The following CALML4 variants were observed in gnomAD, a reference collection of about 807,000 sequenced individuals.
CALML4 encodes calmodulin-like protein 4.
A neutral mutation model predicts 17.9 loss-of-function variants in CALML4; 16 were observed. The observed-to-expected ratio is 0.89, with a 90% CI of 0.61 to 1.36. CALML4 has a LOEUF of 1.36. CALML4 is among the 40% of genes most tolerant of loss of function. CALML4 has a pLI of 0.00. For missense variants in CALML4, 203 were observed against 194.8 expected (o/e 1.04, Z -0.25); for synonymous variants, 86 against 71.5 (o/e 1.20, Z -1.02).
At chr15:68,205,760 T>C (rs1044049651), upstream of CALML4, 3 of 236,068 alleles carry the variant, frequency 1.3e-5, no homozygotes, top group East Asian at 1.9e-4. This position sits in a 1 kb window ranked among gnomAD's most constrained non-coding sequence, Gnocchi z 4.8. Context: ...GGCTCGGTAT[T>C]GCAGGGATAC....
rs763952886 is a variant in CALML4 at position 68,205,268 on chromosome 15, C to T, written c.-21G>A. On this transcript the variant is annotated 5_prime_UTR_variant, in exon 1 of 5. Transcript: ENST00000467889. The surrounding 1 kb of genome is among the most constrained non-coding windows in gnomAD (Gnocchi z 4.8). ...ACCATTCTGGGGCCTCGGCTGCTAC[C>T]CGTGGGCTTGCTGCTCCCAGAACCG... 2 of 1,614,028 alleles carry T rather than the reference C, an allele frequency of 1.2e-6. No homozygotes were observed. The highest frequency in any genetic ancestry group is 1.7e-5 in the Admixed American group (1 of 60,008).
In CALML4 at chr15:68,205,203, G is replaced by A. The variant is rs368099027; in HGVS notation, c.3+42C>T. 1.3e-5 allele frequency: 21 copies of A among 1,613,950 alleles called. No homozygotes were observed. Among genetic ancestry groups the A allele is most frequent in the African/African-American group, 4.0e-5 (3 of 74,900 alleles). ...GGGGAGGGCTCCACCTGAGGTTCAC[G>A]CCCCCAGCCCTGGCCAGGCCGACAC... On this transcript the variant is annotated intron_variant, in intron 1 of 4. Transcript: ENST00000467889. This position sits in a 1 kb window ranked among gnomAD's most constrained non-coding sequence, Gnocchi z 4.8.
In CALML4 at chr15:68,205,307, T is replaced by C; in HGVS notation, c.-60A>G. The C allele has an allele frequency of 1.2e-6, 2 of 1,614,068 alleles. No individual in the cohort carries two copies. The highest frequency in any genetic ancestry group is 1.7e-6 in the Non-Finnish European group (2 of 1,180,016). ...CTCCCAGAACCGCGTTCAGTTCCCT[T>C]TCCTCCAGCCTCAAGTCTAAAGTCT... On this transcript the variant is annotated 5_prime_UTR_variant, in exon 1 of 5. Coordinates refer to ENST00000467889, the MANE Select transcript of CALML4 (RefSeq NM_033429.3). The surrounding 1 kb of genome is among the most constrained non-coding windows in gnomAD (Gnocchi z 4.8).
Position 68,200,964 on chromosome 15 carries a change from G to T in CALML4, c.35-1283C>A, listed in dbSNP as rs1468561487. On this transcript the variant is annotated intron_variant, in intron 2 of 4. Coordinates refer to ENST00000467889, the MANE Select transcript of CALML4 (RefSeq NM_033429.3). This position sits in a 1 kb window ranked among gnomAD's most constrained non-coding sequence, Gnocchi z 4.3. ...TGCCCACCAGGCCACACTGCCTTCG[G>T]TTCCAGGGCAGACACCACTGAGAGC... is the stretch of plus-strand genomic sequence containing the variant. 6.6e-6 allele frequency among the ~76,000 whole-genome samples: 1 copy of T among 152,114 alleles called. No individual in the cohort carries two copies. The highest frequency in any genetic ancestry group is 1.5e-5 in the Non-Finnish European group (1 of 68,020).
In CALML4 at chr15:68,205,057, A is replaced by C. The variant is rs1422902564; in HGVS notation, c.34+64T>G. 3.2e-6 allele frequency: 5 copies of C among 1,578,888 alleles called. No homozygotes were observed. In the South Asian group the frequency reaches 4.4e-5, roughly 14 times the overall value. ...CTTCCCACCAAGAAAACATGAGCAG[A>C]GCAAATTGCCTAATGAGACCCATAT... On this transcript the variant is annotated intron_variant, in intron 2 of 4. Coordinates refer to ENST00000467889, the MANE Select transcript of CALML4 (RefSeq NM_033429.3). The surrounding 1 kb of genome is among the most constrained non-coding windows in gnomAD (Gnocchi z 4.8).
rs62002460 is a variant in CALML4, at chr15:68,204,162, C to A, written c.34+959G>T. Among the ~76,000 whole-genome samples the A allele has an allele frequency of 1.3e-5, 2 of 152,186 alleles. No individual in the cohort carries two copies. Among genetic ancestry groups the A allele is most frequent in the Non-Finnish European group, 2.9e-5 (2 of 68,028 alleles). ...GCCCACCTGGAGCTCACAATTCCTG[C>A]CCCTCTGGACCAAGCTCAGAATACC... On this transcript the variant is annotated intron_variant, in intron 2 of 4. Transcript: ENST00000467889. This position sits in a 1 kb window ranked among gnomAD's most constrained non-coding sequence, Gnocchi z 6.0.
rs1567091045 is a variant in CALML4 at position 68,200,254 on chromosome 15, T to C, written c.35-573A>G. 6.6e-6 allele frequency among the ~76,000 whole-genome samples: 1 copy of C among 152,198 alleles called. No homozygotes were observed. The highest frequency in any genetic ancestry group is 6.5e-5 in the Admixed American group (1 of 15,284). On this transcript the variant is annotated intron_variant, in intron 2 of 4. Transcript: ENST00000467889. The surrounding 1 kb of genome is among the most constrained non-coding windows in gnomAD (Gnocchi z 4.3). The stretch of plus-strand genomic sequence containing the variant: ...GAGAGTGGCCTTCATATGATGATAT[T>C]ATCATCATCATCAGAGCTGGGGCAT...
At position 68,199,616 on chromosome 15, in the gene CALML4, T is replaced by C. The variant is rs779125634; in HGVS notation, c.100A>G (p.Met34Val). ...QRGKIKATDLMVAMRCLGASP... is the reference protein window; with the variant it reads ...QRGKIKATDLVVAMRCLGASP... ...GCCCCCAGGCACCTCATGGCCACCA[T>C]GAGGTCGGTGGCTTTTATCTTCCCC... is the stretch of plus-strand genomic sequence containing the variant. The change falls in exon 3 of 5, where the codon ATG (methionine) becomes GTG (valine). Residue 34 changes from methionine (M) to valine (V), a missense_variant. Met to Val is a conservative substitution (Grantham distance 21). Transcript: ENST00000467889. 1 of 1,613,564 alleles carries C rather than the reference T, an allele frequency of 6.2e-7. No homozygotes were observed. The highest frequency in any genetic ancestry group is 1.7e-5 in the Admixed American group (1 of 59,998).
intron 2 of CALML4, among the ~76,000 whole-genome samples, chr15:68,202,662 T>TGA (rs60034924): frequency 6.7e-6 from 1 of 150,330 alleles, no homozygotes; most frequent in Non-Finnish European, 1.5e-5. Flanking sequence ...TTTTTTTTTT[T>TGA]GAGAGAGTTT....
At chr15:68,194,384 CTTTTTTT>C (rs56240648) in intron 4 of CALML4, among the ~76,000 whole-genome samples, 3 of 141,064 alleles carry the variant, frequency 2.1e-5, no homozygotes, top group Admixed American at 7.1e-5. Context: ...CCACCGTGTG[CTTTTTTT>C]TTTTTTTTTT....
intron 2 of CALML4, among the ~76,000 whole-genome samples, chr15:68,202,943 T>G (rs907900696): frequency 1.3e-5 from 2 of 151,738 alleles, no homozygotes; most frequent in African/African-American, 4.8e-5. Context: ...GCCTCCTGAG[T>G]AGCTGGAATT....
rs1021633402 is a variant in CALML4 at position 68,204,183 on chromosome 15, A to G, written c.34+938T>C. ...CCTGCCCCTCTGGACCAAGCTCAGA[A>G]TACCCAGAACTCTGGAACTCCTGCC... On this transcript the variant is annotated intron_variant, in intron 2 of 4. Coordinates refer to ENST00000467889, the MANE Select transcript of CALML4 (RefSeq NM_033429.3). The surrounding 1 kb of genome is among the most constrained non-coding windows in gnomAD (Gnocchi z 6.0). Among the ~76,000 whole-genome samples, 2 of 152,144 alleles carry G rather than the reference A, an allele frequency of 1.3e-5. No homozygotes were observed. Among genetic ancestry groups the G allele is most frequent in the Non-Finnish European group, 1.5e-5 (1 of 68,012 alleles).
Position 68,204,468 on chromosome 15 carries a change from GGCT to G in CALML4, c.34+650_34+652del, listed in dbSNP as rs1034752150. 2.0e-5 allele frequency among the ~76,000 whole-genome samples: 3 copies of G among 152,184 alleles called. No homozygotes were observed. The highest frequency in any genetic ancestry group is 4.4e-5 in the Non-Finnish European group (3 of 68,038). On this transcript the variant is annotated intron_variant, in intron 2 of 4. Coordinates refer to ENST00000467889, the MANE Select transcript of CALML4 (RefSeq NM_033429.3). The surrounding 1 kb of genome is among the most constrained non-coding windows in gnomAD (Gnocchi z 6.0). The stretch of plus-strand genomic sequence containing the variant: ...GGGCCTCTCCTGCCAGGTGCAGGGG[GGCT>G]GCAGCCATGAGGCTCCCCTGGCTCA...
chr15:68,203,800 C>T (rs967912982), intron 2 of CALML4, among the ~76,000 whole-genome samples: 3 of 152,226 alleles, frequency 2.0e-5, no homozygotes, highest in Admixed American at 6.5e-5. Context: ...CCCTGTTCTT[C>T]CCACTTCGCT....
chr15:68,199,581 C>T lies in CALML4; in HGVS notation c.135G>A (p.Thr45=), dbSNP rs200561076. ...VAMRCLGASP[T]PGEVQRHLQT... is the part of the protein sequence containing the mutation. ...GCAGGTGCCGCTGCACCTCCCCTGG[C>T]GTCGGGCTGGCCCCCAGGCACCTCA... Residue 45 remains threonine, a synonymous_variant, in exon 3 of 5, where the codon ACG becomes ACA. Transcript: ENST00000467889. 4.3e-5 allele frequency: 69 copies of T among 1,613,684 alleles called. No individual in the cohort carries two copies. In the Middle Eastern group the frequency reaches 4.9e-4, roughly 12 times the overall value.
intron 3 of CALML4, chr15:68,198,177 CT>C (rs1472783745): frequency 6.5e-6 from 1 of 152,714 alleles, no homozygotes; most frequent in East Asian, 1.9e-4. Flanking sequence ...CTACAACTTC[CT>C]GTTTGGAGGG....
At chr15:68,205,430 C>T, upstream of CALML4, 1 of 1,606,574 alleles carries the variant, frequency 6.2e-7, no homozygotes, top group Non-Finnish European at 8.5e-7. The surrounding 1 kb of genome is among the most constrained non-coding windows in gnomAD (Gnocchi z 4.8). Context: ...GAGCACAGCT[C>T]ATGACCCGCC....
intron 4 of CALML4, among the ~76,000 whole-genome samples, chr15:68,196,185 G>T (rs894129119): frequency 1.3e-5 from 2 of 152,218 alleles, no homozygotes; most frequent in African/African-American, 4.8e-5. Flanking sequence ...AGTAGCTGGG[G>T]CTACAGGCGC....
rs999435961 is a variant in CALML4 at position 68,197,271 on chromosome 15, C to T, written c.364+169G>A. Reference sequence around the variant, plus strand: ...CCCTTCCAGCCCCTCTAGTTCTTCCCCAGGCTCCAGTCCAGCACCCACCTA... The same window carrying T: ...CCCTTCCAGCCCCTCTAGTTCTTCCTCAGGCTCCAGTCCAGCACCCACCTA... On this transcript the variant is annotated intron_variant, in intron 4 of 4. Coordinates refer to ENST00000467889, the MANE Select transcript of CALML4 (RefSeq NM_033429.3). This position sits in a 1 kb window ranked among gnomAD's most constrained non-coding sequence, Gnocchi z 4.1. Among the ~76,000 whole-genome samples the T allele has an allele frequency of 4.6e-5, 7 of 152,144 alleles. No homozygotes were observed. The highest frequency in any genetic ancestry group is 1.0e-4 in the Non-Finnish European group (7 of 68,032).
Sources: allele counts gnomAD v4.1 joint callset (sites outside exome capture counted in the v4.1 genomes callset), GRCh38; gene constraint gnomAD v4.1.1; non-coding constraint Gnocchi (gnomAD v3.1); transcripts MANE v1.5; gene names NCBI Gene and HGNC (gene_info 2026-07-23, HGNC 2026-07-21).